The following BEND5 variants were observed in gnomAD, a reference collection of about 807,000 sequenced individuals.
The protein encoded by BEND5 is BEN domain-containing protein 5.
BEND5 carries 22 observed loss-of-function variants against 43.9 expected under a neutral mutation model. The ratio of observed to expected loss-of-function variants is 0.50; its 90% confidence interval spans 0.36 to 0.72. The LOEUF (loss-of-function observed/expected upper bound fraction) is 0.72. Among genes scored for constraint, BEND5 ranks in the 30% least tolerant of loss-of-function variants. The pLI, the probability that BEND5 is intolerant of heterozygous loss-of-function variation, is 0.00. For missense variants in BEND5, 428 were observed against 550.6 expected, an observed-to-expected ratio of 0.78 and a Z score of 2.23; for synonymous variants, 228 against 225.9, an observed-to-expected ratio of 1.01 and a Z score of -0.08.
chr1:48,740,842 T>C (rs928999650), intron 4 of BEND5, among the ~76,000 whole-genome samples: 1 of 152,184 alleles, frequency 6.6e-6, no homozygotes, highest in Non-Finnish European at 1.5e-5. Context: ...CTGCCATCAT[T>C]TCCAGTGCGT....
At position 48,727,818 on chromosome 1, in the gene BEND5, C is replaced by T. The variant is rs773104636; in HGVS notation, c.*68G>A. ...CATGCACGGTGGGGTCTGATTTGGA[C>T]GGCACCATCGCTCGCAAATCACATG... On this transcript the variant is annotated 3_prime_UTR_variant, in exon 6 of 6. Transcript: ENST00000371833. 19 of 1,453,128 alleles carry T rather than the reference C, an allele frequency of 1.3e-5. No homozygotes were observed. Among genetic ancestry groups the T allele is most frequent in the Admixed American group, 3.5e-5 (2 of 57,258 alleles). 90.0% of individuals were successfully genotyped at this position (1,453,128 alleles called of 1,614,324 possible).
At chr1:48,770,992 C>T (rs1313644726) in intron 1 of BEND5, among the ~76,000 whole-genome samples, 4 of 152,208 alleles carry the variant, frequency 2.6e-5, no homozygotes, top group African/African-American at 4.8e-5. Flanking sequence ...TTGAATGGCT[C>T]TCTTTTCTTG....
intron 5 of BEND5, among the ~76,000 whole-genome samples, chr1:48,735,198 A>G (rs1212243534): frequency 2.0e-5 from 3 of 151,808 alleles, no homozygotes; most frequent in Non-Finnish European, 4.4e-5. Flanking sequence ...ATTAGCAACT[A>G]CTTTATTCTC....
At chr1:48,745,035 T>C (rs1342971652) in intron 3 of BEND5, among the ~76,000 whole-genome samples, 1 of 152,242 alleles carries the variant, frequency 6.6e-6, no homozygotes. Flanking sequence ...TAGCAAATTA[T>C]GTTTGCAATC....
intron 1 of BEND5, among the ~76,000 whole-genome samples, chr1:48,773,304 T>TAA (rs1441126303): frequency 2.0e-5 from 3 of 152,060 alleles, no homozygotes. Flanking sequence ...GGATTGCAGT[T>TAA]AGATGATGGT....
chr1:48,766,842 C>T (rs1045165123), intron 1 of BEND5, among the ~76,000 whole-genome samples: 3 of 152,328 alleles, frequency 2.0e-5, no homozygotes, highest in African/African-American at 7.2e-5. Context: ...TTTCTGCAGG[C>T]AGTGAACATT....
intron 1 of BEND5, among the ~76,000 whole-genome samples, chr1:48,767,276 A>G (rs1245460482): frequency 6.6e-6 from 1 of 152,162 alleles, no homozygotes; most frequent in African/African-American, 2.4e-5. Context: ...ACTCTTTTCC[A>G]AAGAGATAGT....
At chr1:48,769,814 C>G (rs1182607642) in intron 1 of BEND5, among the ~76,000 whole-genome samples, 1 of 152,166 alleles carries the variant, frequency 6.6e-6, no homozygotes, top group African/African-American at 2.4e-5. Context: ...AGATGAGCAC[C>G]TGGAACTCAG....
In BEND5 at chr1:48,759,068, G is replaced by T; in HGVS notation, c.577C>A (p.Gln193Lys). The T allele has an allele frequency of 6.2e-7, 1 of 1,613,252 alleles. No homozygotes were observed. Among genetic ancestry groups the T allele is most frequent in the Non-Finnish European group, 8.5e-7 (1 of 1,179,662 alleles). The change falls in exon 3 of 6, where the codon CAA (glutamine) becomes AAA (lysine). Residue 193 changes from glutamine (Q) to lysine (K), a missense_variant. Gln to Lys is a moderately conservative substitution (Grantham distance 53). Transcript: ENST00000371833. Reference sequence around the variant, plus strand: ...TGGAGGTGGCGCATCTCTTCCTGTTGCTGCTGGTAGTTGCGCAGCAGCTCC... The same window carrying T: ...TGGAGGTGGCGCATCTCTTCCTGTTTCTGCTGGTAGTTGCGCAGCAGCTCC... Reference protein sequence around the residue: ...YEELLRNYQQQQEEMRHLQQE... With the variant: ...YEELLRNYQQKQEEMRHLQQE...
intron 3 of BEND5, among the ~76,000 whole-genome samples, chr1:48,756,407 C>T (rs1363368299): frequency 6.6e-6 from 1 of 152,132 alleles, no homozygotes; most frequent in East Asian, 1.9e-4. Context: ...GGATCTGTTC[C>T]CCTCATCAAA....
intron 3 of BEND5, 45 bp from the exon 4 acceptor site, chr1:48,742,816 T>A: frequency 6.9e-7 from 1 of 1,446,036 alleles, no homozygotes; most frequent in Non-Finnish European, 9.2e-7. Context: ...CCAAGGAAAA[T>A]AAAAGGCAAA....
intron 1 of BEND5, among the ~76,000 whole-genome samples, chr1:48,762,358 T>A (rs773154380): frequency 1.3e-5 from 2 of 152,220 alleles, no homozygotes; most frequent in Non-Finnish European, 2.9e-5. Flanking sequence ...TCCAGATTTG[T>A]CTCTCACTGG....
chr1:48,730,555 T>C (rs893185722), intron 5 of BEND5, among the ~76,000 whole-genome samples: 1 of 152,074 alleles, frequency 6.6e-6, no homozygotes, highest in African/African-American at 2.4e-5. Context: ...CCCCTAGCAT[T>C]AGTCAGGGAA....
chr1:48,761,321 G>A lies in BEND5; in HGVS notation c.360+16C>T, dbSNP rs932822031. ...ATGCTCCAGCATACCTCCAAAGAAA[G>A]GAAAGATTTTGTTACCTTGATGTGT... On this transcript the variant is annotated intron_variant, in intron 2 of 5. Coordinates refer to ENST00000371833, the MANE Select transcript of BEND5 (RefSeq NM_024603.4). The A allele has an allele frequency of 1.1e-5, 17 of 1,540,052 alleles. No homozygotes were observed. In the African/African-American group the frequency reaches 1.7e-4, roughly 15 times the overall value.
chr1:48,730,679 T>C (rs2148554729), intron 5 of BEND5, among the ~76,000 whole-genome samples: 1 of 152,294 alleles, frequency 6.6e-6, no homozygotes, highest in African/African-American at 2.4e-5. Flanking sequence ...CTTCTCAGGT[T>C]GATTAAAAGG....
At chr1:48,748,164 A>G (rs1651060158) in intron 3 of BEND5, among the ~76,000 whole-genome samples, 1 of 152,204 alleles carries the variant, frequency 6.6e-6, no homozygotes, top group Non-Finnish European at 1.5e-5. Context: ...ACAATGAAGG[A>G]GTTAAACAAA....
At chr1:48,740,578 T>TA (rs1331836197) in intron 4 of BEND5, among the ~76,000 whole-genome samples, 2 of 152,198 alleles carry the variant, frequency 1.3e-5, no homozygotes, top group African/African-American at 4.8e-5. Flanking sequence ...ACCAAAGTGT[T>TA]AGTGTTATGT....
intron 5 of BEND5, among the ~76,000 whole-genome samples, chr1:48,734,687 C>A (rs531954291): frequency 6.6e-6 from 1 of 152,210 alleles, no homozygotes; most frequent in African/African-American, 2.4e-5. Flanking sequence ...TATAAAGATG[C>A]TTCTTCCACA....
In BEND5 at chr1:48,776,819, CA is replaced by C; in HGVS notation, c.12del (p.Phe4LeufsTer82). 1 of 1,515,926 alleles carries C rather than the reference CA, an allele frequency of 6.6e-7. No homozygotes were observed. The highest frequency in any genetic ancestry group is 2.2e-5 in the Admixed American group (1 of 46,308). 93.9% of individuals were successfully genotyped at this position (1,515,926 alleles called of 1,614,324 possible). Reference protein sequence around the residue: MYAFVRFLEDNVCY... With the variant: MYAXVRFLEDNVCY... The stretch of plus-strand genomic sequence containing the variant: ...CAGACGTTGTCCTCCAGGAACCGCA[CA>C]AAGGCGTACATGGTGGGCGCCGGGG... On this transcript the variant is annotated frameshift_variant, in exon 1 of 6. Coordinates refer to ENST00000371833, the MANE Select transcript of BEND5 (RefSeq NM_024603.4). LOFTEE classifies it high-confidence loss of function.
Sources: gnomAD v4.1 joint callset for allele counts (sites outside exome capture counted in the v4.1 genomes callset) on GRCh38, gnomAD v4.1.1 for gene constraint, MANE v1.5 for transcripts, NCBI Gene and HGNC (gene_info 2026-07-23, HGNC 2026-07-21) for gene names.